The following TNXB variants were observed in gnomAD, a reference collection of about 807,000 sequenced individuals.
The protein encoded by TNXB is tenascin-X.
Under a neutral mutation model 340.5 loss-of-function variants are expected in TNXB, and 183 were observed. That is an observed-to-expected ratio of 0.54 (90% CI 0.48 to 0.61). TNXB has a LOEUF of 0.61. Ranked by LOEUF, TNXB falls within the 20% of genes least tolerant of loss-of-function variation. TNXB has a pLI of 0.00. For missense variants in TNXB, 4,613 were observed against 5,446.4 expected (o/e 0.85, Z 4.82); for synonymous variants, 2,121 against 2,314.5 (o/e 0.92, Z 2.40).
chr6:32,088,756 G>C (rs1351800615), intron 6 of TNXB, 29 bp downstream of exon 6: 1 of 1,546,644 alleles, frequency 6.5e-7, no homozygotes, highest in Admixed American at 1.9e-5. Context: ...GGAAACCAGG[G>C]CCCTTCCCTA....
intron 4 of TNXB, among the ~76,000 whole-genome samples, chr6:32,092,895 T>C (rs1418597148): frequency 2.0e-5 from 3 of 152,166 alleles, no homozygotes; most frequent in African/African-American, 7.2e-5. Context: ...ATGTGACAGA[T>C]GCCCATACCG....
At chr6:32,060,646 TTTC>T (rs1777951352) in intron 21 of TNXB, among the ~76,000 whole-genome samples, 2 of 152,024 alleles carry the variant, frequency 1.3e-5, no homozygotes, top group Admixed American at 6.5e-5. Context: ...TGGGCTCCTT[TTTC>T]TTCTTTTTTG....
intron 6 of TNXB, among the ~76,000 whole-genome samples, chr6:32,088,069 C>T (rs1425325758): frequency 6.6e-6 from 1 of 152,186 alleles, no homozygotes; most frequent in African/African-American, 2.4e-5. Flanking sequence ...GCCCCTCCCT[C>T]GATCCCTCCC....
rs1347415337 is a variant in TNXB at position 32,051,198 on chromosome 6, G to A, written c.9116-877C>T. 6.6e-6 allele frequency among the ~76,000 whole-genome samples: 1 copy of A among 152,296 alleles called. No individual in the cohort carries two copies. Among genetic ancestry groups the A allele is most frequent in the East Asian group, 1.9e-4 (1 of 5,190 alleles). On this transcript the variant is annotated intron_variant, in intron 26 of 43. Coordinates refer to ENST00000644971, the MANE Select transcript of TNXB (RefSeq NM_001365276.2). The surrounding 1 kb of genome is among the most constrained non-coding windows in gnomAD (Gnocchi z 4.7). Reference sequence around the variant, plus strand: ...TGGCCTCAGATCCTGACTGTCCCCTGAGTATCCACAGGTAGGGTGGTTTAG... The same window carrying A: ...TGGCCTCAGATCCTGACTGTCCCCTAAGTATCCACAGGTAGGGTGGTTTAG...
In TNXB at chr6:32,060,481, T is replaced by C. The variant is rs923933360; in HGVS notation, c.7492+916A>G. 2.0e-5 allele frequency among the ~76,000 whole-genome samples: 3 copies of C among 151,606 alleles called. No homozygotes were observed. In the East Asian group the frequency reaches 5.8e-4, roughly 29 times the overall value. The stretch of plus-strand genomic sequence containing the variant: ...AGAAATGTTTGCCATTTAAGAAAAT[T>C]TGGACTATGCAGAATAGAATAATAC... On this transcript the variant is annotated intron_variant, in intron 21 of 43. Coordinates refer to ENST00000644971, the MANE Select transcript of TNXB (RefSeq NM_001365276.2).
intron 1 of TNXB, among the ~76,000 whole-genome samples, chr6:32,101,584 C>G (rs1196168676): frequency 6.8e-6 from 1 of 146,794 alleles, no homozygotes; most frequent in Non-Finnish European, 1.5e-5. Flanking sequence ...CCACCGCACC[C>G]AGCCTTTTTT....
rs1779648914 is a variant in TNXB at position 32,084,421 on chromosome 6, G to T, written c.3437C>A (p.Ala1146Asp). 1 of 1,587,828 alleles carries T rather than the reference G, an allele frequency of 6.3e-7. No homozygotes were observed. The highest frequency in any genetic ancestry group is 8.6e-7 in the Non-Finnish European group (1 of 1,164,016). ...KKRHGPLVAE[A>D]KILPQSDPSP... ...TTACTGCTGTCACTCACAGATCTTG[G>T]CTTCAGCCACCAGCGGACCATGCCT... The change falls in exon 8 of 44, where the codon GCC becomes GAC. Residue 1146 changes from alanine to aspartate, a missense_variant. Physicochemically the swap from Ala to Asp is moderately radical, Grantham distance 126. Around this residue, in one of 7 missense-constraint regions of TNXB, gnomAD observed 4,327 missense variants for 4,859.4 expected, o/e 0.89. Transcript: ENST00000644971. The surrounding 1 kb of genome is among the most constrained non-coding windows in gnomAD (Gnocchi z 5.5).
intron 1 of TNXB, among the ~76,000 whole-genome samples, chr6:32,099,142 A>T (rs1780579536): frequency 6.6e-6 from 1 of 152,152 alleles, no homozygotes; most frequent in Non-Finnish European, 1.5e-5. Flanking sequence ...TTAGTGGATG[A>T]GTACCTAGGG....
rs1453860622 is a variant in TNXB, at chr6:32,084,349, C to T, written c.3445+64G>A. On this transcript the variant is annotated intron_variant, in intron 8 of 43. Transcript: ENST00000644971. This position sits in a 1 kb window ranked among gnomAD's most constrained non-coding sequence, Gnocchi z 5.5. The stretch of plus-strand genomic sequence containing the variant: ...TTCCCGGAGCTCCCAAAGCAGGTTC[C>T]CAAAGCACTGAGAAAACCTCTTCAG... 2.0e-6 allele frequency: 3 copies of T among 1,468,950 alleles called. No individual in the cohort carries two copies. The highest frequency in any genetic ancestry group is 4.4e-5 in the Admixed American group (2 of 45,622). The allele number at this position is 1,468,950 out of a possible 1,614,324, so 91.0% of individuals were successfully genotyped here. A position where few individuals can be genotyped will look rare whatever the true frequency, so the allele number is the denominator to read the frequency against.
Position 32,081,230 on chromosome 6 carries a change from T to C in TNXB, c.4042+138A>G. The C allele has an allele frequency of 1.3e-6, 1 of 772,818 alleles. No homozygotes were observed. Among genetic ancestry groups the C allele is most frequent in the Non-Finnish European group, 2.1e-6 (1 of 485,956 alleles). 47.9% of individuals were successfully genotyped at this position (772,818 alleles called of 1,614,324 possible). ...TGGCATGCAGAGGACAGGAGAGCAGTGCGGGAGGAAGTGGGTGGAGGCTTT... is the reference window on the plus strand; with the variant it reads ...TGGCATGCAGAGGACAGGAGAGCAGCGCGGGAGGAAGTGGGTGGAGGCTTT... On this transcript the variant is annotated intron_variant, in intron 10 of 43. Coordinates refer to ENST00000644971, the MANE Select transcript of TNXB (RefSeq NM_001365276.2). The surrounding 1 kb of genome is among the most constrained non-coding windows in gnomAD (Gnocchi z 5.1).
rs1470394464 is a variant in TNXB at position 32,053,689 on chromosome 6, G to T, written c.8490C>A (p.Thr2830=). 2 of 1,612,632 alleles carry T rather than the reference G, an allele frequency of 1.2e-6. No homozygotes were observed. The highest frequency in any genetic ancestry group is 3.3e-5 in the Admixed American group (2 of 60,002). Residue 2830 remains threonine (T), a synonymous_variant, in exon 25 of 44, where the codon ACC becomes ACA. Transcript: ENST00000644971. ...GVTAPEDEAE[T]TQAVPTTTPE... ...GGGTTGTGGTGGGCACTGCTTGGGTGGTCTCTGCTTCATCCTCTGGAGCTG... is the reference window on the plus strand; with the variant it reads ...GGGTTGTGGTGGGCACTGCTTGGGTTGTCTCTGCTTCATCCTCTGGAGCTG...
chr6:32,050,113 C>T lies in TNXB; in HGVS notation c.9324G>A (p.Gly3108=), dbSNP rs748383321. 263 of 1,613,640 alleles carry T rather than the reference C, an allele frequency of 1.6e-4. No individual in the cohort carries two copies. The highest frequency in any genetic ancestry group is 2.2e-4 in the Non-Finnish European group (255 of 1,179,890). ...CTGAGATGGTGACCCCGTCCTCGTG[C>T]CCCGGCACCCGCACCGCCTTGGGCT... ...DGQPKAVRVP[G]HEDGVTISGL... The change falls in exon 27 of 44, where the codon GGG becomes GGA. Residue 3108 remains glycine, a synonymous_variant. Transcript: ENST00000644971.
chr6:32,047,296 GT>G lies in TNXB; in HGVS notation c.10324+437del, dbSNP rs1308006306. On this transcript the variant is annotated intron_variant, in intron 30 of 43. Transcript: ENST00000644971. This position sits in a 1 kb window ranked among gnomAD's most constrained non-coding sequence, Gnocchi z 6.2. ...TGAGTCATAGGCATAGTGACACCAG[GT>G]TTTTCCATCGTCTTTCCATAGCCAA... is the stretch of plus-strand genomic sequence containing the variant. 2.0e-5 allele frequency among the ~76,000 whole-genome samples: 3 copies of G among 152,220 alleles called. No homozygotes were observed. The highest frequency in any genetic ancestry group is 4.4e-5 in the Non-Finnish European group (3 of 68,036).
rs1219534043 is a variant in TNXB, at chr6:32,064,231, G to C, written c.6841+590C>G. 2.6e-5 allele frequency among the ~76,000 whole-genome samples: 4 copies of C among 151,940 alleles called. No homozygotes were observed. The highest frequency in any genetic ancestry group is 5.9e-5 in the Non-Finnish European group (4 of 67,976). ...TTTTGTTTGCTTGTTTTGTTTTTTT[G>C]AGACAGGGTCTCACTCTGTCACACA... On this transcript the variant is annotated intron_variant, in intron 19 of 43. Transcript: ENST00000644971. The surrounding 1 kb of genome is among the most constrained non-coding windows in gnomAD (Gnocchi z 5.3).
Position 32,061,289 on chromosome 6 carries a change from G to C in TNXB, c.7492+108C>G. 1 of 1,481,778 alleles carries C rather than the reference G, an allele frequency of 6.7e-7. No individual in the cohort carries two copies. The highest frequency in any genetic ancestry group is 1.3e-5 in the South Asian group (1 of 77,758). 91.8% of individuals were successfully genotyped at this position (1,481,778 alleles called of 1,614,324 possible). A position where few individuals can be genotyped will look rare whatever the true frequency, so the allele number is the denominator to read the frequency against. ...GCCACAGGGCACAGAGGGAGGGCAG[G>C]ACACAGGAGACAAGTCTGGACCCAC... is the stretch of plus-strand genomic sequence containing the variant. On this transcript the variant is annotated intron_variant, in intron 21 of 43. Coordinates refer to ENST00000644971, the MANE Select transcript of TNXB (RefSeq NM_001365276.2). This position sits in a 1 kb window ranked among gnomAD's most constrained non-coding sequence, Gnocchi z 4.4.
At chr6:32,055,586 A>G (rs1777573700) in intron 24 of TNXB, among the ~76,000 whole-genome samples, 1 of 152,194 alleles carries the variant, frequency 6.6e-6, no homozygotes, top group Non-Finnish European at 1.5e-5. Context: ...AGATTTCAAA[A>G]GAGGGTCCAA....
rs1778179769 is a variant in TNXB at position 32,064,003 on chromosome 6, C to T, written c.6841+818G>A. Among the ~76,000 whole-genome samples the T allele has an allele frequency of 6.6e-6, 1 of 152,118 alleles. No homozygotes were observed. Among genetic ancestry groups the T allele is most frequent in the African/African-American group, 2.4e-5 (1 of 41,428 alleles). On this transcript the variant is annotated intron_variant, in intron 19 of 43. Coordinates refer to ENST00000644971, the MANE Select transcript of TNXB (RefSeq NM_001365276.2). This position sits in a 1 kb window ranked among gnomAD's most constrained non-coding sequence, Gnocchi z 5.3. The stretch of plus-strand genomic sequence containing the variant: ...AGCTTAGAGAACACATACAATTTTT[C>T]CCACTGAAATCAGTGATAATTATGA...
chr6:32,060,201 G>T (rs902015419), intron 21 of TNXB, among the ~76,000 whole-genome samples: 1 of 151,260 alleles, frequency 6.6e-6, no homozygotes, highest in African/African-American at 2.4e-5. Flanking sequence ...ATGTGGTGGC[G>T]CATGCCTGTA....
chr6:32,071,304 G>A (rs1778756362), intron 13 of TNXB, among the ~76,000 whole-genome samples: 1 of 152,160 alleles, frequency 6.6e-6, no homozygotes. Flanking sequence ...GCCTGAGCTA[G>A]GAGGGTGAGA....
Sources: allele counts gnomAD v4.1 joint callset (sites outside exome capture counted in the v4.1 genomes callset), GRCh38; gene constraint gnomAD v4.1.1; regional missense constraint gnomAD v4.1.1; non-coding constraint Gnocchi (gnomAD v3.1); transcripts MANE v1.5; gene names NCBI Gene and HGNC (gene_info 2026-07-23, HGNC 2026-07-21).